The following ARAP1 variants were observed in gnomAD, a reference collection of about 807,000 sequenced individuals.
ARAP1 encodes the protein ArfGAP with RhoGAP domain, ankyrin repeat and PH domain 1, also known as arf-GAP with Rho-GAP domain, ANK repeat and PH domain-containing protein 1.
ARAP1 carries 76 observed loss-of-function variants against 172.2 expected under a neutral mutation model. The observed-to-expected ratio is 0.44, with a 90% CI of 0.37 to 0.53. The LOEUF (loss-of-function observed/expected upper bound fraction) is 0.53. Ranked by LOEUF, ARAP1 falls within the 20% of genes least tolerant of loss-of-function variation. The pLI, the probability that ARAP1 is intolerant of heterozygous loss-of-function variation, is 0.00. For missense variants in ARAP1, 1,686 were observed against 1,977.5 expected (o/e 0.85, Z 2.80); for synonymous variants, 804 against 803.3 (o/e 1.00, Z -0.01).
rs1361109932 is a variant in ARAP1, at chr11:72,752,371, G to GCCGCCACCGACTTACACCGCCA, written c.-193_-172dup. The GCCGCCACCGACTTACACCGCCA allele has an allele frequency of 2.0e-5, 3 of 152,344 alleles. No homozygotes were observed. Among genetic ancestry groups the GCCGCCACCGACTTACACCGCCA allele is most frequent in the Non-Finnish European group, 4.4e-5 (3 of 68,150 alleles). The allele number at this position is 152,344 out of a possible 1,614,324, so 9.4% of individuals were successfully genotyped here. On this transcript the variant is annotated 5_prime_UTR_variant, in exon 1 of 35. Coordinates refer to ENST00000393609, the MANE Select transcript of ARAP1 (RefSeq NM_001040118.3). ...CCACGCGGGGACCAGGCGTACCGGCGCCGCCACCGACTTACACCGCCACCG... is the reference window on the plus strand; with the variant it reads ...CCACGCGGGGACCAGGCGTACCGGCGCCGCCACCGACTTACACCGCCACCGCCACCGACTTACACCGCCACCG...
intron 27 of ARAP1, among the ~76,000 whole-genome samples, chr11:72,694,472 A>G (rs114292603): frequency 0.012 from 1,765 of 150,442 alleles, 29 homozygotes; most frequent in African/African-American, 0.04. Context: ...AGTAACCCCT[A>G]CTCTTCCTTC....
In ARAP1 at chr11:72,693,300, G is replaced by A. The variant is rs767717873; in HGVS notation, c.3954+25C>T. ...TCAGGTGTACAGGTGCCCACCCTGG[G>A]GCAGAACCCAGCGGGGCCACTTACC... On this transcript the variant is annotated intron_variant, in intron 29 of 34. Transcript: ENST00000393609. This position sits in a 1 kb window ranked among gnomAD's most constrained non-coding sequence, Gnocchi z 4.6. 3 of 1,611,120 alleles carry A rather than the reference G, an allele frequency of 1.9e-6. No individual in the cohort carries two copies. Among genetic ancestry groups the A allele is most frequent in the Admixed American group, 3.3e-5 (2 of 59,768 alleles).
Position 72,695,425 on chromosome 11 carries a change from G to C in ARAP1, c.3538C>G (p.Leu1180Val), listed in dbSNP as rs758822014. The C allele has an allele frequency of 6.2e-7, 1 of 1,614,236 alleles. No individual in the cohort carries two copies. The highest frequency in any genetic ancestry group is 1.1e-5 in the South Asian group (1 of 91,086). Residue 1180 changes from leucine to valine, a missense_variant, in exon 26 of 35, where the codon CTG (leucine) becomes GTG (valine). Transcript: ENST00000393609. This position sits in a 1 kb window ranked among gnomAD's most constrained non-coding sequence, Gnocchi z 4.4. ...TCAGTCTCTGCCTTCTTCTCTTCCA[G>C]ATACACTGTGCAGATGAAGTCACCG... Reference protein sequence around the residue: ...HAGDFICTVYLEEKKAETEQH... With the variant: ...HAGDFICTVYVEEKKAETEQH...
At position 72,702,991 on chromosome 11, in the gene ARAP1, TC is replaced by T. The variant is rs1565216024; in HGVS notation, c.2080del (p.Asp694ThrfsTer37). On this transcript the variant is annotated frameshift_variant, in exon 15 of 35. Transcript: ENST00000393609. LOFTEE classifies it high-confidence loss of function. ...CGAGINCFSG[D>X]PEAPTPLALA... The stretch of plus-strand genomic sequence containing the variant: ...AGCCAGGGGCGTGGGGGCCTCAGGG[TC>T]CCCCGAGAAGCAGTTGATCCCAGCC... The T allele has an allele frequency of 1.3e-6, 2 of 1,565,742 alleles. No homozygotes were observed.
chr11:72,727,428 C>T (rs1349824418), intron 2 of ARAP1, among the ~76,000 whole-genome samples: 2 of 152,222 alleles, frequency 1.3e-5, no homozygotes, highest in African/African-American at 2.4e-5. Context: ...CTAGGAAACC[C>T]TCCATGATCT....
intron 3 of ARAP1, among the ~76,000 whole-genome samples, chr11:72,718,751 TGCA>T (rs140717197): frequency 0.12 from 18,306 of 152,076 alleles, 1,368 homozygotes; most frequent in South Asian, 0.19. Flanking sequence ...AGAAAATACA[TGCA>T]GCAGACCTCA....
chr11:72,717,021 T>G (rs67734121), intron 3 of ARAP1, among the ~76,000 whole-genome samples: 14,412 of 152,176 alleles, frequency 0.095, 794 homozygotes, highest in Middle Eastern at 0.22. Context: ...AGCATCTGAC[T>G]TGGTACCCCC....
rs372070176 is a variant in ARAP1 at position 72,710,062 on chromosome 11, C to T, written c.1417-86G>A. The T allele has an allele frequency of 1.5e-3, 1,818 of 1,242,600 alleles. 36 individuals are homozygous for T. The South Asian group carries it at 0.021, about 14-fold the overall frequency. The allele number at this position is 1,242,600 out of a possible 1,614,324, so 77.0% of individuals were successfully genotyped here. A position where few individuals can be genotyped will look rare whatever the true frequency, so the allele number is the denominator to read the frequency against. ...ACAGGGAGAGGAAGGGAAGGTGGTG[C>T]AACTCAGGGACTGGGGGGGGTGCCC... On this transcript the variant is annotated intron_variant, in intron 10 of 34. Transcript: ENST00000393609. This position sits in a 1 kb window ranked among gnomAD's most constrained non-coding sequence, Gnocchi z 4.3.
Position 72,697,457 on chromosome 11 carries a change from A to T in ARAP1, c.2819T>A (p.Leu940Gln), listed in dbSNP as rs1310757210. The T allele has an allele frequency of 2.5e-6, 4 of 1,613,150 alleles. No homozygotes were observed. The highest frequency in any genetic ancestry group is 3.4e-6 in the Non-Finnish European group (4 of 1,179,828). Reference protein sequence around the residue: ...RTLYIQGERRLDFMGWLGAIQ... With the variant: ...RTLYIQGERRQDFMGWLGAIQ... Reference sequence around the variant, plus strand: ...GGCCCCCAGCCAACCCATGAAGTCCAGCCGCCGCTCGCCCTGTATGTACAG... The same window carrying T: ...GGCCCCCAGCCAACCCATGAAGTCCTGCCGCCGCTCGCCCTGTATGTACAG... Residue 940 changes from leucine to glutamine, a missense_variant, in exon 21 of 35, where the codon CTG (leucine) becomes CAG (glutamine). Physicochemically the swap from Leu to Gln is moderately radical, Grantham distance 113. Around this residue, in one of 5 missense-constraint regions of ARAP1, gnomAD observed 274 missense variants for 262.7 expected, o/e 1.04. Coordinates refer to ENST00000393609, the MANE Select transcript of ARAP1 (RefSeq NM_001040118.3).
At chr11:72,729,428 C>T (rs1470359613) in intron 2 of ARAP1, among the ~76,000 whole-genome samples, 1 of 151,978 alleles carries the variant, frequency 6.6e-6, no homozygotes, top group Non-Finnish European at 1.5e-5. Flanking sequence ...CTTGTCTCTA[C>T]TAAAAATACA....
At position 72,741,550 on chromosome 11, in the gene ARAP1, G is replaced by A. The variant is rs928528672; in HGVS notation, c.-127-8953C>T. 1.3e-5 allele frequency among the ~76,000 whole-genome samples: 2 copies of A among 152,120 alleles called. No homozygotes were observed. Among genetic ancestry groups the A allele is most frequent in the East Asian group, 1.9e-4 (1 of 5,194 alleles). ...GGCAACTCCTCCCACAGAGGGCAAG[G>A]GGCAGCCTGAGGAGCCACAGGATGA... On this transcript the variant is annotated intron_variant, in intron 1 of 34. Coordinates refer to ENST00000393609, the MANE Select transcript of ARAP1 (RefSeq NM_001040118.3). The surrounding 1 kb of genome is among the most constrained non-coding windows in gnomAD (Gnocchi z 4.5).
intron 1 of ARAP1, among the ~76,000 whole-genome samples, chr11:72,747,949 TCTC>T (rs1164061772): frequency 6.6e-6 from 1 of 152,176 alleles, no homozygotes; most frequent in African/African-American, 2.4e-5. Flanking sequence ...TGGGTTTAGA[TCTC>T]CTCTGTCTGC....
At chr11:72,748,381 A>C (rs1035567576) in intron 1 of ARAP1, among the ~76,000 whole-genome samples, 2 of 151,966 alleles carry the variant, frequency 1.3e-5, no homozygotes, top group African/African-American at 4.8e-5. Flanking sequence ...TTAGCTGGGT[A>C]TGGTGGCGCG....
intron 30 of ARAP1, among the ~76,000 whole-genome samples, chr11:72,689,187 C>A (rs965965147): frequency 6.6e-6 from 1 of 152,182 alleles, no homozygotes. Flanking sequence ...GACCAATGTA[C>A]TGGGGAGGGA....
At chr11:72,713,385 G>A (rs935972097) in intron 4 of ARAP1, 142 bp from the exon 5 acceptor site, 2 of 711,744 alleles carry the variant, frequency 2.8e-6, no homozygotes, top group African/African-American at 1.8e-5. Context: ...AGGCACAGGG[G>A]ACAGGAAGTG....
At position 72,726,920 on chromosome 11, in the gene ARAP1, G is replaced by A. The variant is rs779548787; in HGVS notation, c.209C>T (p.Ser70Leu). The A allele has an allele frequency of 1.9e-6, 3 of 1,591,752 alleles. No individual in the cohort carries two copies. The East Asian group carries it at 6.8e-5, about 36-fold the overall frequency. The part of the protein sequence containing the change: ...ILAGLLRAHT[S>L]PAPAPRPTPR... ...GGTGGGGCGGGGTGCAGGGGCCGGT[G>A]AGGTATGGGCACGGAGCAGGCCAGC... Residue 70 changes from serine to leucine, a missense_variant, in exon 3 of 35, where the codon TCA becomes TTA. Ser to Leu is a moderately radical substitution (Grantham distance 145). Coordinates refer to ENST00000393609, the MANE Select transcript of ARAP1 (RefSeq NM_001040118.3). This position sits in a 1 kb window ranked among gnomAD's most constrained non-coding sequence, Gnocchi z 6.5.
chr11:72,698,239 C>T, intron 18 of ARAP1, 133 bp from the exon 19 acceptor site: 1 of 1,116,086 alleles, frequency 9.0e-7, no homozygotes, highest in South Asian at 1.7e-5. Context: ...AAGGCAGAAC[C>T]AAGCCCAGTG....
At chr11:72,735,642 C>T (rs1165956194) in intron 1 of ARAP1, among the ~76,000 whole-genome samples, 1 of 152,160 alleles carries the variant, frequency 6.6e-6, no homozygotes, top group Non-Finnish European at 1.5e-5. Context: ...AGGCCAGGCA[C>T]TGTACTAAGC....
Position 72,725,341 on chromosome 11 carries a change from C to A in ARAP1, c.509+1279G>T, listed in dbSNP as rs1281702939. 6.6e-6 allele frequency among the ~76,000 whole-genome samples: 1 copy of A among 150,614 alleles called. No individual in the cohort carries two copies. The highest frequency in any genetic ancestry group is 2.4e-5 in the African/African-American group (1 of 41,228). ...CTCTTTTTCTCTCTCTCTCTCCCCC[C>A]CACAAGCTGATGGGGTTGAAATAGA... On this transcript the variant is annotated intron_variant, in intron 3 of 34. Coordinates refer to ENST00000393609, the MANE Select transcript of ARAP1 (RefSeq NM_001040118.3). The surrounding 1 kb of genome is among the most constrained non-coding windows in gnomAD (Gnocchi z 4.3).
Sources: allele counts gnomAD v4.1 joint callset (sites outside exome capture counted in the v4.1 genomes callset), GRCh38; gene constraint gnomAD v4.1.1; regional missense constraint gnomAD v4.1.1; non-coding constraint Gnocchi (gnomAD v3.1); transcripts MANE v1.5; gene names NCBI Gene and HGNC (gene_info 2026-07-23, HGNC 2026-07-21).